Variants in SPTLC3 observed in about 807,000 individuals in gnomAD.
SPTLC3 encodes serine palmitoyltransferase 3.
In SPTLC3, 36 loss-of-function variants were observed where a neutral mutation model predicts 59.3. The observed-to-expected ratio is 0.61, with a 90% CI of 0.47 to 0.80. SPTLC3 has a LOEUF of 0.80. Ranked by LOEUF, SPTLC3 falls within the 30% of genes least tolerant of loss-of-function variation. SPTLC3 has a pLI of 0.00. For synonymous variants in SPTLC3, 257 were observed against 240.8 expected (o/e 1.07, Z -0.62); for missense variants, 625 against 685.1 (o/e 0.91, Z 0.98).
chr20:13,038,135 T>G (rs1474630802), intron 1 of SPTLC3, among the ~76,000 whole-genome samples: 1 of 151,816 alleles, frequency 6.6e-6, no homozygotes, highest in African/African-American at 2.4e-5. Flanking sequence ...GATATATTAT[T>G]GGTCTGTAGT....
intron 2 of SPTLC3, among the ~76,000 whole-genome samples, chr20:13,058,093 A>AT (rs1210968116): frequency 1.3e-5 from 2 of 152,164 alleles, no homozygotes; most frequent in Non-Finnish European, 2.9e-5. Context: ...AATCACAGAC[A>AT]TTTCTGGCCC....
chr20:13,054,004 T>G (rs1987611610), intron 2 of SPTLC3, among the ~76,000 whole-genome samples: 1 of 152,184 alleles, frequency 6.6e-6, no homozygotes, highest in South Asian at 2.1e-4. Flanking sequence ...TAACCTGATT[T>G]GGTGTTTAAT....
At chr20:13,039,493 T>G (rs985205853) in intron 1 of SPTLC3, among the ~76,000 whole-genome samples, 1 of 152,222 alleles carries the variant, frequency 6.6e-6, no homozygotes, top group African/African-American at 2.4e-5. Context: ...TTTTAACTTG[T>G]TTGCATCTCT....
intron 7 of SPTLC3, among the ~76,000 whole-genome samples, chr20:13,115,293 G>A (rs6078920): frequency 0.36 from 55,053 of 151,984 alleles, 10,077 homozygotes; most frequent in Admixed American, 0.4. Flanking sequence ...TAAAAGCTGA[G>A]TTCTCCCTAG....
chr20:13,087,604 C>T (rs1423240611), intron 4 of SPTLC3, among the ~76,000 whole-genome samples: 1 of 152,138 alleles, frequency 6.6e-6, no homozygotes, highest in African/African-American at 2.4e-5. Context: ...TCTACAAGTA[C>T]CTACTATGTG....
rs59578735 is a variant in SPTLC3 at position 13,068,750 on chromosome 20, T to TAA, written c.304-3494_304-3493dup. On this transcript the variant is annotated intron_variant, in intron 2 of 11. Coordinates refer to ENST00000399002, the MANE Select transcript of SPTLC3 (RefSeq NM_018327.4). ...CACAAAGAAATAACTCTGAGTACTT[T>TAA]AAAAAAAAAAAAACAACAACAACAA... is the stretch of plus-strand genomic sequence containing the variant. 9.8e-4 allele frequency among the ~76,000 whole-genome samples: 145 copies of TAA among 147,810 alleles called. No homozygotes were observed. The Middle Eastern group carries it at 0.01, about 11-fold the overall frequency.
intron 6 of SPTLC3, among the ~76,000 whole-genome samples, chr20:13,109,816 A>G (rs981439301): frequency 6.6e-6 from 1 of 152,224 alleles, no homozygotes. Context: ...CATTTAACGT[A>G]GAATTTCAAT....
intron 1 of SPTLC3, among the ~76,000 whole-genome samples, chr20:13,022,296 C>T (rs1431544798): frequency 6.6e-6 from 1 of 152,220 alleles, no homozygotes; most frequent in African/African-American, 2.4e-5. Context: ...ACTCCCTGGT[C>T]TTAGCCCCCT....
At chr20:13,106,091 ATATC>A (rs1437434422) in intron 6 of SPTLC3, among the ~76,000 whole-genome samples, 1 of 152,234 alleles carries the variant, frequency 6.6e-6, no homozygotes, top group East Asian at 1.9e-4. Flanking sequence ...CGTTCAAAAA[ATATC>A]TATCTGCTCG....
chr20:13,035,264 T>A (rs1188922726), intron 1 of SPTLC3, among the ~76,000 whole-genome samples: 1 of 152,160 alleles, frequency 6.6e-6, no homozygotes, highest in African/African-American at 2.4e-5. Flanking sequence ...TAACAAAATA[T>A]TTCAAATAGA....
chr20:13,142,240 A>G (rs1270611708), intron 9 of SPTLC3, among the ~76,000 whole-genome samples: 2 of 152,220 alleles, frequency 1.3e-5, no homozygotes, highest in African/African-American at 4.8e-5. Context: ...AAGATAGTGC[A>G]GCCACTTCCT....
chr20:13,129,520 G>C (rs141484352), intron 9 of SPTLC3, among the ~76,000 whole-genome samples: 30 of 152,330 alleles, frequency 2.0e-4, no homozygotes, highest in African/African-American at 7.2e-4. Flanking sequence ...AGAATGACTA[G>C]AATTATTCTT....
intron 4 of SPTLC3, among the ~76,000 whole-genome samples, chr20:13,088,183 CA>C (rs891668049): frequency 2.0e-5 from 3 of 152,160 alleles, no homozygotes; most frequent in African/African-American, 7.2e-5. Flanking sequence ...GTTTTATTCC[CA>C]AATATCAGTT....
chr20:13,097,221 G>A (rs1474899204), intron 6 of SPTLC3, among the ~76,000 whole-genome samples: 1 of 151,948 alleles, frequency 6.6e-6, no homozygotes, highest in Non-Finnish European at 1.5e-5. Context: ...TTCTAATCAG[G>A]GAAGAAGAAA....
At chr20:13,118,931 A>G (rs1282693611) in intron 8 of SPTLC3, among the ~76,000 whole-genome samples, 2 of 152,246 alleles carry the variant, frequency 1.3e-5, no homozygotes, top group African/African-American at 4.8e-5. Context: ...TTACCCTTCA[A>G]TAAGCACTGC....
intron 5 of SPTLC3, among the ~76,000 whole-genome samples, chr20:13,093,204 C>A (rs574929472): frequency 4.1e-4 from 63 of 152,318 alleles, no homozygotes; most frequent in Non-Finnish European, 7.6e-4. Flanking sequence ...TAGGCTCTAC[C>A]TGGTGCTTAA....
At chr20:13,081,675 C>T (rs796521121) in intron 4 of SPTLC3, among the ~76,000 whole-genome samples, 2 of 152,198 alleles carry the variant, frequency 1.3e-5, no homozygotes, top group African/African-American at 4.8e-5. Context: ...GTAACAAACA[C>T]ATTTTCAAGC....
intron 2 of SPTLC3, among the ~76,000 whole-genome samples, chr20:13,067,864 T>C (rs1333170167): frequency 2.0e-5 from 3 of 152,220 alleles, no homozygotes; most frequent in African/African-American, 7.2e-5. Context: ...GAAGTGTCAA[T>C]GTAGACGCAA....
intron 6 of SPTLC3, among the ~76,000 whole-genome samples, chr20:13,096,805 T>C (rs946673122): frequency 6.6e-6 from 1 of 152,098 alleles, no homozygotes; most frequent in Non-Finnish European, 1.5e-5. Flanking sequence ...TCATACAACA[T>C]ATATAAAATT....
Sources: gnomAD v4.1 joint callset for allele counts (sites outside exome capture counted in the v4.1 genomes callset) on GRCh38, gnomAD v4.1.1 for gene constraint, MANE v1.5 for transcripts, NCBI Gene and HGNC (gene_info 2026-07-23, HGNC 2026-07-21) for gene names.